The following SIN3A variants were observed in gnomAD, a reference collection of about 807,000 sequenced individuals.
The protein encoded by SIN3A is paired amphipathic helix protein Sin3a.
Under a neutral mutation model 146.1 loss-of-function variants are expected in SIN3A, and 14 were observed. The observed-to-expected ratio is 0.10, with a 90% CI of 0.06 to 0.15. SIN3A has a LOEUF of 0.15. Among genes scored for constraint, SIN3A ranks in the 10% least tolerant of loss-of-function variants. The probability of loss-of-function intolerance (pLI) is 1.00; values close to 1 mark genes in which losing one functional copy is unlikely to be tolerated. For synonymous variants in SIN3A, 572 were observed against 572.0 expected (o/e 1.00, Z 0.00); for missense variants, 1,028 against 1,576.0 (o/e 0.65, Z 5.89).
intron 1 of SIN3A, among the ~76,000 whole-genome samples, chr15:75,433,065 T>C (rs2074041199): frequency 6.6e-6 from 1 of 152,028 alleles, no homozygotes; most frequent in Admixed American, 6.6e-5. Context: ...AAAAAAACTT[T>C]ATAAATAATA....
chr15:75,398,387 G>C (rs568291202), intron 12 of SIN3A, among the ~76,000 whole-genome samples: 1 of 152,066 alleles, frequency 6.6e-6, no homozygotes, highest in African/African-American at 2.4e-5. Flanking sequence ...TCAAAATAAA[G>C]CTCCTGGGAC....
chr15:75,388,151 G>C (rs967596967), intron 16 of SIN3A: 2 of 152,242 alleles, frequency 1.3e-5, no homozygotes, highest in Non-Finnish European at 2.9e-5. Context: ...TACAGTGGCA[G>C]TGTGGATTCT....
chr15:75,450,384 G>A (rs895418019), intron 1 of SIN3A, among the ~76,000 whole-genome samples: 4 of 152,022 alleles, frequency 2.6e-5, no homozygotes, highest in Non-Finnish European at 5.9e-5. Flanking sequence ...AGGAAGCCCC[G>A]CCCCGTACAG....
chr15:75,454,531 G>A (rs923437416), upstream of SIN3A, among the ~76,000 whole-genome samples: 22 of 151,154 alleles, frequency 1.5e-4, no homozygotes, highest in Non-Finnish European at 3.0e-4. Flanking sequence ...CCCGCCCGCG[G>A]CCGCCATCCC....
intron 2 of SIN3A, among the ~76,000 whole-genome samples, chr15:75,429,857 A>T (rs2073985813): frequency 6.6e-6 from 1 of 152,196 alleles, no homozygotes; most frequent in Admixed American, 6.6e-5. Context: ...CATTTATATA[A>T]AAGTTCAAAA....
intron 1 of SIN3A, among the ~76,000 whole-genome samples, chr15:75,450,416 G>A (rs1341092727): frequency 6.6e-6 from 1 of 152,058 alleles, no homozygotes; most frequent in Non-Finnish European, 1.5e-5. Context: ...GAACATCAAG[G>A]GAACCCCAGG....
rs574580532 is a variant in SIN3A at position 75,409,528 on chromosome 15, C to T, written c.1317+308G>A. Among the ~76,000 whole-genome samples the T allele has an allele frequency of 5.9e-5, 9 of 151,572 alleles. No individual in the cohort carries two copies. In the East Asian group the frequency reaches 1.8e-3, roughly 30 times the overall value. ...GATCATGAGGTCAGGAGATCGAGAC[C>T]ATCCTGGCTAACACGGTGAAACCCC... On this transcript the variant is annotated intron_variant, in intron 8 of 20. Coordinates refer to ENST00000394947, the MANE Select transcript of SIN3A (RefSeq NM_001145358.2).
At chr15:75,413,213 C>T (rs1248197340) in intron 4 of SIN3A, among the ~76,000 whole-genome samples, 168 bp from the exon 5 acceptor site, 5 of 152,026 alleles carry the variant, frequency 3.3e-5, no homozygotes, top group Admixed American at 3.3e-4. Flanking sequence ...CTCCACCTCC[C>T]GAGTTCAAGT....
intron 2 of SIN3A, among the ~76,000 whole-genome samples, chr15:75,426,576 T>C (rs774981096): frequency 1.3e-5 from 2 of 152,112 alleles, no homozygotes; most frequent in Non-Finnish European, 2.9e-5. Context: ...CCACTATATA[T>C]TAAATGAAAA....
chr15:75,378,114 T>C lies in SIN3A; in HGVS notation c.3384-2242A>G, dbSNP rs191036441. Among the ~76,000 whole-genome samples, 58 of 152,300 alleles carry C rather than the reference T, an allele frequency of 3.8e-4. No homozygotes were observed. In the East Asian group the frequency reaches 0.011, roughly 29 times the overall value. On this transcript the variant is annotated intron_variant, in intron 19 of 20. Coordinates refer to ENST00000394947, the MANE Select transcript of SIN3A (RefSeq NM_001145358.2). ...GTAAAATATATCAACATTTAGTAGG[T>C]GTGTATAACTTATTTTCCAAATAGC...
chr15:75,445,534 G>A lies in SIN3A; in HGVS notation c.-34+5889C>T, dbSNP rs1035593015. 4.6e-5 allele frequency among the ~76,000 whole-genome samples: 7 copies of A among 151,642 alleles called. 1 individual carries two copies. The highest frequency in any genetic ancestry group is 2.6e-4 in the Admixed American group (4 of 15,206). ...TGTGCCAAGCCGAGATTGCACCACT[G>A]CACTCCAGCCTGGGAGACAGAGCAA... On this transcript the variant is annotated intron_variant, in intron 1 of 20. Coordinates refer to ENST00000394947, the MANE Select transcript of SIN3A (RefSeq NM_001145358.2).
chr15:75,371,922 A>G lies in SIN3A; in HGVS notation c.*57T>C. On this transcript the variant is annotated 3_prime_UTR_variant, in exon 21 of 21. Transcript: ENST00000394947. ...CCTTGTTTCTTCAGTGTGTGAGTGC[A>G]TAGGCCCACACACACATCCCCACAC... The G allele has an allele frequency of 3.5e-6, 5 of 1,446,322 alleles. No individual in the cohort carries two copies. Among genetic ancestry groups the G allele is most frequent in the Non-Finnish European group, 4.8e-6 (5 of 1,030,990 alleles). 89.6% of individuals were successfully genotyped at this position (1,446,322 alleles called of 1,614,324 possible). A position where few individuals can be genotyped will look rare whatever the true frequency, so the allele number is the denominator to read the frequency against.
At chr15:75,425,569 G>A (rs1227290607) in intron 2 of SIN3A, among the ~76,000 whole-genome samples, 4 of 152,166 alleles carry the variant, frequency 2.6e-5, no homozygotes, top group Non-Finnish European at 5.9e-5. Context: ...TCAAACAAAT[G>A]TCTTTTCTAT....
chr15:75,401,547 A>C (rs1000316808), intron 10 of SIN3A, among the ~76,000 whole-genome samples: 7 of 152,080 alleles, frequency 4.6e-5, no homozygotes, highest in Non-Finnish European at 8.8e-5. Flanking sequence ...AAAAAAAATA[A>C]TAATAATAAT....
At chr15:75,423,941 G>A (rs1020893915) in intron 2 of SIN3A, among the ~76,000 whole-genome samples, 1 of 152,108 alleles carries the variant, frequency 6.6e-6, no homozygotes, top group Non-Finnish European at 1.5e-5. Context: ...GTTGCAGTGA[G>A]CTGAGATCAT....
chr15:75,428,339 G>A (rs1270242916), intron 2 of SIN3A, among the ~76,000 whole-genome samples: 1 of 152,002 alleles, frequency 6.6e-6, no homozygotes, highest in African/African-American at 2.4e-5. Context: ...AAGGAGACAG[G>A]GTCTTGCACT....
intron 1 of SIN3A, among the ~76,000 whole-genome samples, chr15:75,432,733 A>G (rs1379306130): frequency 6.7e-6 from 1 of 149,492 alleles, no homozygotes; most frequent in Non-Finnish European, 1.5e-5. Flanking sequence ...ATAGGGCAGC[A>G]CTGGGTTTAA....
chr15:75,434,843 G>C (rs560272796), intron 1 of SIN3A, among the ~76,000 whole-genome samples: 308 of 151,402 alleles, frequency 2.0e-3, no homozygotes, highest in Non-Finnish European at 3.5e-3. Context: ...AGCTACTCGA[G>C]AGGCTGAGGC....
rs770253494 is a variant in SIN3A, at chr15:75,430,348, A to T, written c.28T>A (p.Ser10Thr). 1 of 1,612,192 alleles carries T rather than the reference A, an allele frequency of 6.2e-7. No individual in the cohort carries two copies. ...CGCTGCTGGGCTGCATACACCGGTG[A>T]CTCCTGGTCATCCAAACGCCGCTTC... MKRRLDDQE[S>T]PVYAAQQRRI... is the part of the protein sequence containing the mutation. The change falls in exon 2 of 21, where the codon TCA becomes ACA. Residue 10 changes from serine (S) to threonine (T), a missense_variant. This residue lies in a region of SIN3A where 152 missense variants were observed against 231.5 expected (regional missense o/e 0.66). Coordinates refer to ENST00000394947, the MANE Select transcript of SIN3A (RefSeq NM_001145358.2).
Sources: allele counts gnomAD v4.1 joint callset (sites outside exome capture counted in the v4.1 genomes callset), GRCh38; gene constraint gnomAD v4.1.1; regional missense constraint gnomAD v4.1.1; transcripts MANE v1.5; gene names NCBI Gene and HGNC (gene_info 2026-07-23, HGNC 2026-07-21).